ZNF891: variants seen among roughly 807,000 people sequenced by gnomAD.
ZNF891 encodes hCG1646157.
For missense variants in ZNF891, 589 were observed against 632.7 expected, an observed-to-expected ratio of 0.93 and a Z score of 0.74; for synonymous variants, 199 against 209.0, an observed-to-expected ratio of 0.95 and a Z score of 0.41.
intron 1 of ZNF891, among the ~76,000 whole-genome samples, chr12:133,127,014 G>C (rs1284070823): frequency 7.0e-6 from 1 of 143,320 alleles, no homozygotes; most frequent in Non-Finnish European, 1.5e-5. Flanking sequence ...GCCCAAGCTG[G>C]AGTGCAGTGG....
chr12:133,105,551 A>T lies in ZNF891; in HGVS notation c.*14733T>A. ...TGAGATCAAAGACTTTTCACCAAAAAATGTCATTTATGATGACTCATCCCA... is the reference window on the plus strand; with the variant it reads ...TGAGATCAAAGACTTTTCACCAAAATATGTCATTTATGATGACTCATCCCA... On this transcript the variant is annotated 3_prime_UTR_variant, in exon 2 of 2. Coordinates refer to ENST00000537226, the MANE Select transcript of ZNF891 (RefSeq NM_001277291.2). The T allele has an allele frequency of 6.2e-7, 1 of 1,610,410 alleles. No homozygotes were observed. The highest frequency in any genetic ancestry group is 8.5e-7 in the Non-Finnish European group (1 of 1,178,946).
rs1955764264 is a variant in ZNF891, at chr12:133,121,806, C to T, written c.113G>A (p.Trp38Ter). The change falls in exon 2 of 2, where the codon TGG becomes TAG. Residue 38 changes from tryptophan (W) to a stop codon, truncating the protein, a stop_gained. Transcript: ENST00000537226. LOFTEE classifies it low-confidence loss of function (END_TRUNC). ...ERMIAVFLTTWLQEPMTFKDV... is the reference protein window; with the variant it reads ...ERMIAVFLTT Reference sequence around the variant, plus strand: ...TTTGAAAGTCATTGGTTCCTGTAACCAGGTTGTCAGAAATACAGCAATCAT... The same window carrying T: ...TTTGAAAGTCATTGGTTCCTGTAACTAGGTTGTCAGAAATACAGCAATCAT... 2 of 1,536,652 alleles carry T rather than the reference C, an allele frequency of 1.3e-6. No individual in the cohort carries two copies. The highest frequency in any genetic ancestry group is 1.7e-6 in the Non-Finnish European group (2 of 1,147,014).
intron 1 of ZNF891, among the ~76,000 whole-genome samples, chr12:133,123,771 T>C (rs1955787828): frequency 6.7e-6 from 1 of 149,264 alleles, no homozygotes. Context: ...AAGTTAGGCT[T>C]CCTCTTCAAG....
intron 1 of ZNF891, chr12:133,125,751 C>A: frequency 2.3e-6 from 1 of 436,172 alleles, no homozygotes; most frequent in Non-Finnish European, 4.5e-6. Context: ...TAGAAGGTAA[C>A]ACACTTGTGC....
rs2137620171 is a variant in ZNF891 at position 133,121,831 on chromosome 12, T to C, written c.88A>G (p.Met30Val). ...FHLRNAEEERMIAVFLTTWLQ... is the reference protein window; with the variant it reads ...FHLRNAEEERVIAVFLTTWLQ... ...CAGGTTGTCAGAAATACAGCAATCA[T>C]CCTTTCCTCTTCAGCATTTCTCAGA... Residue 30 changes from methionine (M) to valine (V), a missense_variant, in exon 2 of 2, where the codon ATG (methionine) becomes GTG (valine). Coordinates refer to ENST00000537226, the MANE Select transcript of ZNF891 (RefSeq NM_001277291.2). 5 of 1,536,692 alleles carry C rather than the reference T, an allele frequency of 3.3e-6. No homozygotes were observed. In the East Asian group the frequency reaches 9.8e-5, roughly 30 times the overall value.
chr12:133,127,916 T>C (rs1955832557), intron 1 of ZNF891, among the ~76,000 whole-genome samples: 1 of 152,104 alleles, frequency 6.6e-6, no homozygotes, highest in African/African-American at 2.4e-5. Flanking sequence ...AAGGCAGTCA[T>C]TAAAAACAAG....
chr12:133,122,519 A>G (rs1395447719), intron 1 of ZNF891, among the ~76,000 whole-genome samples: 1 of 152,186 alleles, frequency 6.6e-6, no homozygotes, highest in Non-Finnish European at 1.5e-5. Context: ...AAAGGTGTAT[A>G]TGTGACTTTG....
In ZNF891 at chr12:133,109,049, G is replaced by C. The variant is rs1416473209; in HGVS notation, c.*11235C>G. 1.3e-5 allele frequency: 2 copies of C among 151,250 alleles called. No individual in the cohort carries two copies. The highest frequency in any genetic ancestry group is 2.9e-5 in the Non-Finnish European group (2 of 67,838). 9.4% of individuals were successfully genotyped at this position (151,250 alleles called of 1,614,324 possible). Reference sequence around the variant, plus strand: ...ATAGCTATCAGTTATTGTGGCTCAAGAAAATTCTTCTTCTGGTGTAGCCCA... The same window carrying C: ...ATAGCTATCAGTTATTGTGGCTCAACAAAATTCTTCTTCTGGTGTAGCCCA... On this transcript the variant is annotated 3_prime_UTR_variant, in exon 2 of 2. Coordinates refer to ENST00000537226, the MANE Select transcript of ZNF891 (RefSeq NM_001277291.2).
At position 133,106,268 on chromosome 12, in the gene ZNF891, T is replaced by C. The variant is rs758184905; in HGVS notation, c.*14016A>G. ...CCATACAACCAAAACCCCGTATGAA[T>C]GTAATGAATGTAGGAAAGCTTTCCG... On this transcript the variant is annotated 3_prime_UTR_variant, in exon 2 of 2. Transcript: ENST00000537226. The C allele has an allele frequency of 3.1e-6, 5 of 1,614,086 alleles. No individual in the cohort carries two copies. The highest frequency in any genetic ancestry group is 3.4e-6 in the Non-Finnish European group (4 of 1,180,036).
rs754753437 is a variant in ZNF891, at chr12:133,106,240, C to CA, written c.*14043dup. On this transcript the variant is annotated 3_prime_UTR_variant, in exon 2 of 2. Transcript: ENST00000537226. ...TCTCACACCTTACTCGACATCAGAGCATCCATACAACCAAAACCCCGTATG... is the reference window on the plus strand; with the variant it reads ...TCTCACACCTTACTCGACATCAGAGCAATCCATACAACCAAAACCCCGTATG... 2.6e-5 allele frequency: 42 copies of CA among 1,614,052 alleles called. No individual in the cohort carries two copies. Among genetic ancestry groups the CA allele is most frequent in the Non-Finnish European group, 3.5e-5 (41 of 1,180,036 alleles).
chr12:133,124,980 C>G (rs1471731564), intron 1 of ZNF891, among the ~76,000 whole-genome samples: 1 of 151,660 alleles, frequency 6.6e-6, no homozygotes, highest in African/African-American at 2.4e-5. Flanking sequence ...AACTTCAAAG[C>G]AACAACAGCA....
In ZNF891 at chr12:133,106,583, A is replaced by ACT; in HGVS notation, c.*13699_*13700dup. On this transcript the variant is annotated 3_prime_UTR_variant, in exon 2 of 2. Transcript: ENST00000537226. ...CCTTGCTAAACATCAGAGGACACACACTCTTGACAACCCCTATGAATATGA... is the reference window on the plus strand; with the variant it reads ...CCTTGCTAAACATCAGAGGACACACACTCTCTTGACAACCCCTATGAATATGA... 3.1e-6 allele frequency: 5 copies of ACT among 1,613,298 alleles called. No homozygotes were observed. Among genetic ancestry groups the ACT allele is most frequent in the Non-Finnish European group, 4.2e-6 (5 of 1,179,864 alleles).
In ZNF891 at chr12:133,113,507, T is replaced by A. The variant is rs1955698344; in HGVS notation, c.*6777A>T. ...CCACATGTCAATCCACACAAATACA[T>A]TTTAATGACTGCATTATATTCCATT... On this transcript the variant is annotated 3_prime_UTR_variant, in exon 2 of 2. Transcript: ENST00000537226. 6.6e-6 allele frequency: 1 copy of A among 152,202 alleles called. No individual in the cohort carries two copies. The highest frequency in any genetic ancestry group is 2.1e-4 in the South Asian group (1 of 4,836). 9.4% of individuals were successfully genotyped at this position (152,202 alleles called of 1,614,324 possible). A position where few individuals can be genotyped will look rare whatever the true frequency, so the allele number is the denominator to read the frequency against.
intron 1 of ZNF891, among the ~76,000 whole-genome samples, chr12:133,129,699 G>T (rs1042727907): frequency 6.6e-5 from 10 of 152,064 alleles, no homozygotes; most frequent in African/African-American, 2.4e-4. Flanking sequence ...GGCAAGGATA[G>T]TACACAAAAA....
rs141821902 is a variant in ZNF891, at chr12:133,120,640, T to C, written c.1279A>G (p.Thr427Ala). 6.4e-7 allele frequency: 1 copy of C among 1,559,620 alleles called. No homozygotes were observed. The highest frequency in any genetic ancestry group is 1.4e-5 in the African/African-American group (1 of 73,392). Residue 427 changes from threonine (T) to alanine (A), a missense_variant, in exon 2 of 2, where the codon ACT (threonine) becomes GCT (alanine). By Grantham distance (58) the Thr-to-Ala change is moderately conservative. Coordinates refer to ENST00000537226, the MANE Select transcript of ZNF891 (RefSeq NM_001277291.2). ...SYLIVHKRIH[T>A]GEKLYECSEC... ...CTGCATTCATAGAGTTTTTCTCCAG[T>C]GTGTATTCTCTTGTGCACTATAAGG...
rs1207982652 is a variant in ZNF891 at position 133,115,453 on chromosome 12, ATGTT to A, written c.*4827_*4830del. The A allele has an allele frequency of 6.6e-6, 1 of 150,670 alleles. No individual in the cohort carries two copies. Among genetic ancestry groups the A allele is most frequent in the Non-Finnish European group, 1.5e-5 (1 of 67,728 alleles). 9.3% of individuals were successfully genotyped at this position (150,670 alleles called of 1,614,324 possible). A position where few individuals can be genotyped will look rare whatever the true frequency, so the allele number is the denominator to read the frequency against. On this transcript the variant is annotated 3_prime_UTR_variant, in exon 2 of 2. Transcript: ENST00000537226. Reference sequence around the variant, plus strand: ...AAAGGTATAACTCAATTTTTATAAAATGTTTGTATGTACATAAAGTCTGACAGAA... The same window carrying A: ...AAAGGTATAACTCAATTTTTATAAAATGTATGTACATAAAGTCTGACAGAA...
intron 1 of ZNF891, among the ~76,000 whole-genome samples, chr12:133,122,699 C>T (rs1412777896): frequency 6.6e-6 from 1 of 152,154 alleles, no homozygotes; most frequent in Non-Finnish European, 1.5e-5. Flanking sequence ...CTTAACAAAC[C>T]TGCGCATTCT....
At chr12:133,128,153 A>G (rs1351370810) in intron 1 of ZNF891, among the ~76,000 whole-genome samples, 9 of 152,240 alleles carry the variant, frequency 5.9e-5, no homozygotes, top group Admixed American at 6.5e-5. Context: ...GAATAAAAAA[A>G]TACTGAGAGG....
intron 1 of ZNF891, among the ~76,000 whole-genome samples, chr12:133,128,857 A>C (rs1038147433): frequency 6.6e-6 from 1 of 151,568 alleles, no homozygotes; most frequent in Non-Finnish European, 1.5e-5. Context: ...TAAGAGCAAA[A>C]CTTACTGTAA....
Sources: gnomAD v4.1 joint callset for allele counts (sites outside exome capture counted in the v4.1 genomes callset) on GRCh38, gnomAD v4.1.1 for gene constraint, MANE v1.5 for transcripts, NCBI Gene and HGNC (gene_info 2026-07-23, HGNC 2026-07-21) for gene names.